The following NT5M variants were observed in gnomAD, a reference collection of about 807,000 sequenced individuals.
NT5M encodes the protein 5',3'-nucleotidase, mitochondrial.
NT5M carries 22 observed loss-of-function variants against 22.2 expected under a neutral mutation model. The observed-to-expected ratio is 0.99, with a 90% CI of 0.71 to 1.41. The LOEUF is 1.41. NT5M is among the 40% of genes most tolerant of loss of function. The pLI is 0.00. For missense variants in NT5M, 322 were observed against 314.8 expected, an observed-to-expected ratio of 1.02 and a Z score of -0.17; for synonymous variants, 167 against 133.0, an observed-to-expected ratio of 1.26 and a Z score of -1.76.
At chr17:17,332,316 G>T (rs936469873) in intron 3 of NT5M, among the ~76,000 whole-genome samples, 1 of 152,112 alleles carries the variant, frequency 6.6e-6, no homozygotes, top group African/African-American at 2.4e-5. Flanking sequence ...AGGTGGGGTC[G>T]AGAGCTGCCA....
In NT5M at chr17:17,323,214, T is replaced by C; in HGVS notation, c.398T>C (p.Ile133Thr). The C allele has an allele frequency of 6.2e-7, 1 of 1,614,052 alleles. No individual in the cohort carries two copies. Among genetic ancestry groups the C allele is most frequent in the Non-Finnish European group, 8.5e-7 (1 of 1,179,944 alleles). Reference protein sequence around the residue: ...NTDVFICTSPIKMFKYCPYEK... With the variant: ...NTDVFICTSPTKMFKYCPYEK... ...GACGTCTTCATCTGCACAAGCCCCA[T>C]CAAGATGTTCAAGTACTGTCCCTAT... Residue 133 changes from isoleucine to threonine, a missense_variant, in exon 3 of 5, where the codon ATC becomes ACC. Physicochemically the swap from Ile to Thr is moderately conservative, Grantham distance 89. Coordinates refer to ENST00000389022, the MANE Select transcript of NT5M (RefSeq NM_020201.4).
At chr17:17,304,305 C>T in intron 1 of NT5M, 1 of 651,172 alleles carries the variant, frequency 1.5e-6, no homozygotes, top group African/African-American at 2.0e-5. Context: ...CTGGGGGTCA[C>T]ACAGTGAGTC....
chr17:17,333,808 C>A (rs951078320), intron 3 of NT5M, among the ~76,000 whole-genome samples: 1 of 151,492 alleles, frequency 6.6e-6, no homozygotes, highest in Non-Finnish European at 1.5e-5. Flanking sequence ...CAGGCACCTA[C>A]CACCATGCCC....
In NT5M at chr17:17,315,744, G is replaced by GTTTTT. The variant is rs1173004367; in HGVS notation, c.369-7438_369-7434dup. The stretch of plus-strand genomic sequence containing the variant: ...AGAGATTGATGTGATCTAACTTAGG[G>GTTTTT]TTTTTTTGTTTTTTTTTTTTTTTTT... On this transcript the variant is annotated intron_variant, in intron 2 of 4. Coordinates refer to ENST00000389022, the MANE Select transcript of NT5M (RefSeq NM_020201.4). 1.7e-3 allele frequency among the ~76,000 whole-genome samples: 118 copies of GTTTTT among 67,746 alleles called. 24 individuals are homozygous for GTTTTT. The highest frequency in any genetic ancestry group is 2.2e-3 in the South Asian group (4 of 1,848). 44.4% of individuals were successfully genotyped at this position (67,746 alleles called of 152,430 possible).
intron 3 of NT5M, among the ~76,000 whole-genome samples, chr17:17,326,526 C>A (rs974704582): frequency 6.6e-6 from 1 of 152,234 alleles, no homozygotes; most frequent in Non-Finnish European, 1.5e-5. Context: ...AAGGGAAGCC[C>A]GAGGAAGCAG....
intron 2 of NT5M, among the ~76,000 whole-genome samples, chr17:17,318,677 C>T (rs779941727): frequency 2.8e-4 from 40 of 145,018 alleles, no homozygotes; most frequent in Admixed American, 1.7e-3. Flanking sequence ...CCCAGCTCCT[C>T]GGAAGGCTGA....
chr17:17,329,780 T>C (rs1256241098), intron 3 of NT5M, among the ~76,000 whole-genome samples: 1 of 151,444 alleles, frequency 6.6e-6, no homozygotes, highest in Non-Finnish European at 1.5e-5. Context: ...GTTTGAGACC[T>C]GCCTGGGCAA....
At chr17:17,309,137 T>G (rs2048871866) in intron 2 of NT5M, among the ~76,000 whole-genome samples, 1 of 151,706 alleles carries the variant, frequency 6.6e-6, no homozygotes, top group Non-Finnish European at 1.5e-5. Context: ...CTTTTTTTTT[T>G]TTTTGAGACA....
intron 3 of NT5M, among the ~76,000 whole-genome samples, chr17:17,338,030 A>G (rs1484329299): frequency 6.6e-6 from 1 of 152,178 alleles, no homozygotes; most frequent in Non-Finnish European, 1.5e-5. Context: ...TAGTTCTTGT[A>G]TATGGCAAGA....
intron 2 of NT5M, among the ~76,000 whole-genome samples, chr17:17,319,429 G>T (rs2049105248): frequency 6.6e-6 from 1 of 151,988 alleles, no homozygotes; most frequent in Non-Finnish European, 1.5e-5. Flanking sequence ...CTTAAAATAG[G>T]TGAATATTAG....
At position 17,315,962 on chromosome 17, in the gene NT5M, A is replaced by G. The variant is rs965423403; in HGVS notation, c.369-7223A>G. ...AGTAGAGATGGCGTTTCACTGTGTTAGCCAGAATGGTCTCGATCTCCTGAC... is the reference window on the plus strand; with the variant it reads ...AGTAGAGATGGCGTTTCACTGTGTTGGCCAGAATGGTCTCGATCTCCTGAC... On this transcript the variant is annotated intron_variant, in intron 2 of 4. Coordinates refer to ENST00000389022, the MANE Select transcript of NT5M (RefSeq NM_020201.4). Among the ~76,000 whole-genome samples, 6 of 150,756 alleles carry G rather than the reference A, an allele frequency of 4.0e-5. No homozygotes were observed. The East Asian group carries it at 5.9e-4, about 15-fold the overall frequency.
intron 4 of NT5M, among the ~76,000 whole-genome samples, chr17:17,346,150 TCCCCAG>T (rs2049753618): frequency 1.4e-5 from 1 of 73,346 alleles, no homozygotes; most frequent in Non-Finnish European, 3.0e-5. Flanking sequence ...CACCCCACCC[TCCCCAG>T]CCTCGTGGGT....
intron 3 of NT5M, among the ~76,000 whole-genome samples, chr17:17,335,316 G>GGTAT (rs1326692397): frequency 6.6e-6 from 1 of 151,690 alleles, no homozygotes; most frequent in East Asian, 1.9e-4. Context: ...GGAATGCAGT[G>GGTAT]GTATGATCTC....
chr17:17,305,403 C>CCG (rs1433036722), intron 1 of NT5M, among the ~76,000 whole-genome samples: 2 of 130,282 alleles, frequency 1.5e-5, no homozygotes, highest in Non-Finnish European at 3.3e-5. Flanking sequence ...CGCCCCCCCC[C>CCG]CCCCGCCCCC....
At chr17:17,304,364 A>C (rs2048747382) in intron 1 of NT5M, 2 of 983,672 alleles carry the variant, frequency 2.0e-6, no homozygotes, top group African/African-American at 3.5e-5. Context: ...CCCCTTGCAG[A>C]GCTGGCCTTG....
chr17:17,305,907 G>C (rs555975059), intron 1 of NT5M, among the ~76,000 whole-genome samples: 34 of 152,238 alleles, frequency 2.2e-4, no homozygotes, highest in Non-Finnish European at 3.7e-4. Flanking sequence ...TCTCTTCCCC[G>C]TTCTGAGCCT....
intron 2 of NT5M, among the ~76,000 whole-genome samples, chr17:17,310,083 C>G (rs908049777): frequency 6.6e-6 from 1 of 152,114 alleles, no homozygotes; most frequent in Non-Finnish European, 1.5e-5. Context: ...CTCAGCCTCC[C>G]AAAGTGCTGG....
chr17:17,325,767 T>G (rs577099868), intron 3 of NT5M, among the ~76,000 whole-genome samples: 1 of 152,252 alleles, frequency 6.6e-6, no homozygotes, highest in East Asian at 1.9e-4. Context: ...TCCAGCAGCT[T>G]TTGGCTTGGA....
At position 17,313,638 on chromosome 17, in the gene NT5M, C is replaced by T. The variant is rs1427226430; in HGVS notation, c.368+6995C>T. ...ATGCTCAGCCTCATCCCAGGGGCTG[C>T]GGGGACACAAATAGGTAAGAGAGTT... On this transcript the variant is annotated intron_variant, in intron 2 of 4. Coordinates refer to ENST00000389022, the MANE Select transcript of NT5M (RefSeq NM_020201.4). Among the ~76,000 whole-genome samples, 6 of 152,300 alleles carry T rather than the reference C, an allele frequency of 3.9e-5. No homozygotes were observed. The South Asian group carries it at 6.2e-4, about 16-fold the overall frequency.
Sources: gnomAD v4.1 joint callset for allele counts (sites outside exome capture counted in the v4.1 genomes callset) on GRCh38, gnomAD v4.1.1 for gene constraint, MANE v1.5 for transcripts, NCBI Gene and HGNC (gene_info 2026-07-23, HGNC 2026-07-21) for gene names.